ANKRD13D: variants seen among roughly 807,000 people sequenced by gnomAD.
ANKRD13D encodes ankyrin repeat domain-containing protein 13D.
ANKRD13D carries 24 observed loss-of-function variants against 68.8 expected under a neutral mutation model. The observed-to-expected ratio is 0.35, with a 90% CI of 0.25 to 0.49. The LOEUF (loss-of-function observed/expected upper bound fraction) is 0.49, where lower values mean the gene tolerates loss of function less well. Ranked by LOEUF, ANKRD13D falls within the 20% of genes least tolerant of loss-of-function variation. The pLI is 0.99. For synonymous variants in ANKRD13D, 331 were observed against 336.1 expected (o/e 0.98, Z 0.16); for missense variants, 735 against 832.1 (o/e 0.88, Z 1.44).
intron 14 of ANKRD13D, 32 bp from the exon 15 acceptor site, chr11:67,302,087 C>A: frequency 6.6e-7 from 1 of 1,510,832 alleles, no homozygotes; most frequent in Non-Finnish European, 8.9e-7. Context: ...CGCTCACTGG[C>A]CTGTTCTTCC....
At chr11:67,290,534 C>T (rs1370264260) in intron 3 of ANKRD13D, 88 bp downstream of exon 3, 2 of 1,475,960 alleles carry the variant, frequency 1.4e-6, no homozygotes, top group Admixed American at 2.2e-5. Flanking sequence ...GAAAGGCACC[C>T]AGTTTGTGCA....
chr11:67,299,378 C>A lies in ANKRD13D; in HGVS notation c.799-152C>A. On this transcript the variant is annotated intron_variant, in intron 7 of 14. Transcript: ENST00000511455. The surrounding 1 kb of genome is among the most constrained non-coding windows in gnomAD (Gnocchi z 6.2). ...TGGGGCTGCATCTCCTCGTTGGTGA[C>A]TTCCTGGGGTTCAGACCCTGCCACC... 1.3e-6 allele frequency: 1 copy of A among 743,312 alleles called. No homozygotes were observed. Among genetic ancestry groups the A allele is most frequent in the Non-Finnish European group, 2.2e-6 (1 of 450,070 alleles). The allele number at this position is 743,312 out of a possible 1,614,324, so 46.0% of individuals were successfully genotyped here. A position where few individuals can be genotyped will look rare whatever the true frequency, so the allele number is the denominator to read the frequency against.
At chr11:67,292,258 C>T (rs1484267256) in intron 6 of ANKRD13D, 78 bp downstream of exon 6, 2 of 1,441,426 alleles carry the variant, frequency 1.4e-6, no homozygotes, top group Non-Finnish European at 1.9e-6. Context: ...CAGGGCGATC[C>T]TTGAAGATCC....
chr11:67,291,528 G>A lies in ANKRD13D; in HGVS notation c.397+7G>A. On this transcript the variant is annotated splice_region_variant and intron_variant, in intron 4 of 14. Coordinates refer to ENST00000511455, the MANE Select transcript of ANKRD13D (RefSeq NM_207354.3). ...TGGGAGTTCACCAGCTGGGGTGAGT[G>A]GGGACCTCTGGGCTCCCAGGGATTT... 1 of 1,613,858 alleles carries A rather than the reference G, an allele frequency of 6.2e-7. No homozygotes were observed. The highest frequency in any genetic ancestry group is 1.1e-5 in the South Asian group (1 of 91,070).
Position 67,300,738 on chromosome 11 carries a change from T to G in ANKRD13D, c.1074-252T>G. On this transcript the variant is annotated intron_variant, in intron 10 of 14. Coordinates refer to ENST00000511455, the MANE Select transcript of ANKRD13D (RefSeq NM_207354.3). This position sits in a 1 kb window ranked among gnomAD's most constrained non-coding sequence, Gnocchi z 4.3. ...GAAGCCCACAGCCTGGCACCTGGCC[T>G]CCTTGTCCAGACCAGATGAGCTGGT... The G allele has an allele frequency of 1.8e-6, 1 of 563,354 alleles. No homozygotes were observed. Among genetic ancestry groups the G allele is most frequent in the Non-Finnish European group, 3.1e-6 (1 of 320,088 alleles). The allele number at this position is 563,354 out of a possible 1,614,324, so 34.9% of individuals were successfully genotyped here.
chr11:67,292,299 G>A (rs560900255), intron 6 of ANKRD13D, 119 bp downstream of exon 6: 8 of 1,197,466 alleles, frequency 6.7e-6, no homozygotes, highest in Non-Finnish European at 9.0e-6. Context: ...ACTCACAAGG[G>A]GCTGCTCAGG....
At position 67,302,416 on chromosome 11, in the gene ANKRD13D, T is replaced by A. The variant is rs1441121648; in HGVS notation, c.*84T>A. 1.0e-5 allele frequency: 15 copies of A among 1,431,654 alleles called. No individual in the cohort carries two copies. The highest frequency in any genetic ancestry group is 1.4e-5 in the Non-Finnish European group (15 of 1,087,308). The allele number at this position is 1,431,654 out of a possible 1,614,324, so 88.7% of individuals were successfully genotyped here. A position where few individuals can be genotyped will look rare whatever the true frequency, so the allele number is the denominator to read the frequency against. On this transcript the variant is annotated 3_prime_UTR_variant, in exon 15 of 15. Transcript: ENST00000511455. Reference sequence around the variant, plus strand: ...TTTATAAACTCTCTGCTGCTGAGCTTGGGGCCTGGAGCCCCAGGAATGAGC... The same window carrying A: ...TTTATAAACTCTCTGCTGCTGAGCTAGGGGCCTGGAGCCCCAGGAATGAGC...
rs1460255945 is a variant in ANKRD13D, at chr11:67,299,873, T to C, written c.927T>C (p.His309=). 1 of 1,542,760 alleles carries C rather than the reference T, an allele frequency of 6.5e-7. No homozygotes were observed. The highest frequency in any genetic ancestry group is 2.0e-5 in the Admixed American group (1 of 50,478). ...CCTTCCTGGGGATGGCGCAGCAGCA[T>C]TCCTCCCACACCGGGGTGAGCCGGG... is the stretch of plus-strand genomic sequence containing the variant. ...FQSFLGMAQQ[H]SSHTGAPVQQ... The change falls in exon 9 of 15, where the codon CAT becomes CAC. Residue 309 remains histidine, a synonymous_variant. Transcript: ENST00000511455. The surrounding 1 kb of genome is among the most constrained non-coding windows in gnomAD (Gnocchi z 6.2).
At position 67,299,979 on chromosome 11, in the gene ANKRD13D, T is replaced by C; in HGVS notation, c.943-14T>C. On this transcript the variant is annotated splice_polypyrimidine_tract_variant and intron_variant, in intron 9 of 14. Transcript: ENST00000511455. This position sits in a 1 kb window ranked among gnomAD's most constrained non-coding sequence, Gnocchi z 6.2. ...GTCACCTTGATGGCTGAGTCCGCCC[T>C]GGGACCCACGCAGGCCCCCGTGCAG... 2 of 1,609,494 alleles carry C rather than the reference T, an allele frequency of 1.2e-6. No individual in the cohort carries two copies. The highest frequency in any genetic ancestry group is 1.7e-6 in the Non-Finnish European group (2 of 1,177,272).
At chr11:67,289,635 C>A (rs1230680891) in intron 1 of ANKRD13D, 85 bp downstream of exon 1, 7 of 870,900 alleles carry the variant, frequency 8.0e-6, no homozygotes, top group Admixed American at 3.5e-5. Context: ...CCCCCCCCCC[C>A]CCGCCCGCTC....
chr11:67,290,330 G>A lies in ANKRD13D; in HGVS notation c.235G>A (p.Glu79Lys). The A allele has an allele frequency of 6.4e-7, 1 of 1,554,804 alleles. No homozygotes were observed. The highest frequency in any genetic ancestry group is 8.7e-7 in the Non-Finnish European group (1 of 1,149,078). The change falls in exon 3 of 15, where the codon GAG becomes AAG. Residue 79 changes from glutamate to lysine, a missense_variant. Physicochemically the swap from Glu to Lys is moderately conservative, Grantham distance 56. Coordinates refer to ENST00000511455, the MANE Select transcript of ANKRD13D (RefSeq NM_207354.3). Reference protein sequence around the residue: ...ENRQGWAVLQEAVSTGDPEMV... With the variant: ...ENRQGWAVLQKAVSTGDPEMV... ...CAGCCTGGTGCCCGCAGTCCTGCAG[G>A]AGGCAGTCAGCACTGGAGACCCCGA... is the stretch of plus-strand genomic sequence containing the variant.
rs1465482312 is a variant in ANKRD13D at position 67,299,999 on chromosome 11, G to A, written c.949G>A (p.Val317Met). 8.1e-6 allele frequency: 13 copies of A among 1,612,596 alleles called. No homozygotes were observed. Among genetic ancestry groups the A allele is most frequent in the African/African-American group, 1.3e-5 (1 of 74,882 alleles). Reference protein sequence around the residue: ...QQHSSHTGAPVQQAASPTNPT... With the variant: ...QQHSSHTGAPMQQAASPTNPT... ...CGCCCTGGGACCCACGCAGGCCCCC[G>A]TGCAGCAGGCAGCCAGCCCCACCAA... The change falls in exon 10 of 15, where the codon GTG becomes ATG. Residue 317 changes from valine to methionine, a missense_variant. Transcript: ENST00000511455. This position sits in a 1 kb window ranked among gnomAD's most constrained non-coding sequence, Gnocchi z 6.2.
At position 67,290,218 on chromosome 11, in the gene ANKRD13D, T is replaced by A; in HGVS notation, c.226+5T>A. On this transcript the variant is annotated splice_donor_5th_base_variant and intron_variant, in intron 2 of 14. Coordinates refer to ENST00000511455, the MANE Select transcript of ANKRD13D (RefSeq NM_207354.3). Reference sequence around the variant, plus strand: ...AGAACCGCCAGGGCTGGGCAGGTACTGCAGAGGACAAGGGGCTCCCCCTGA... The same window carrying A: ...AGAACCGCCAGGGCTGGGCAGGTACAGCAGAGGACAAGGGGCTCCCCCTGA... The A allele has an allele frequency of 2.6e-6, 4 of 1,541,032 alleles. No homozygotes were observed. Among genetic ancestry groups the A allele is most frequent in the Non-Finnish European group, 3.5e-6 (4 of 1,146,872 alleles).
chr11:67,300,243 C>G lies in ANKRD13D; in HGVS notation c.1073+120C>G. The G allele has an allele frequency of 7.1e-7, 1 of 1,414,876 alleles. No homozygotes were observed. Among genetic ancestry groups the G allele is most frequent in the African/African-American group, 1.4e-5 (1 of 70,378 alleles). 87.6% of individuals were successfully genotyped at this position (1,414,876 alleles called of 1,614,324 possible). A position where few individuals can be genotyped will look rare whatever the true frequency, so the allele number is the denominator to read the frequency against. ...GCTGGCTTCTCTCTGGACTCCACTC[C>G]TGGAGGGCAGGAGTCATGTCTGCCT... On this transcript the variant is annotated intron_variant, in intron 10 of 14. Coordinates refer to ENST00000511455, the MANE Select transcript of ANKRD13D (RefSeq NM_207354.3). This position sits in a 1 kb window ranked among gnomAD's most constrained non-coding sequence, Gnocchi z 4.3.
chr11:67,294,567 G>A (rs1282180278), intron 6 of ANKRD13D, among the ~76,000 whole-genome samples: 2 of 149,914 alleles, frequency 1.3e-5, no homozygotes, highest in Non-Finnish European at 3.0e-5. Context: ...TTGAGATGGA[G>A]TCTCACTCTA....
At position 67,290,465 on chromosome 11, in the gene ANKRD13D, A is replaced by C. The variant is rs1368974374; in HGVS notation, c.351+19A>C. 1.3e-6 allele frequency: 2 copies of C among 1,558,214 alleles called. No homozygotes were observed. Among genetic ancestry groups the C allele is most frequent in the Admixed American group, 3.8e-5 (2 of 52,032 alleles). On this transcript the variant is annotated intron_variant, in intron 3 of 14. Transcript: ENST00000511455. ...TCGCCAGGTACAGCAGGGCACAGTT[A>C]TGGAGGTGGGGTACCATGGCAGGGC...
At chr11:67,293,238 AC>A (rs1409892983) in intron 6 of ANKRD13D, among the ~76,000 whole-genome samples, 2 of 152,184 alleles carry the variant, frequency 1.3e-5, no homozygotes. Context: ...TGTTTACCAA[AC>A]GAGCTGTACT....
chr11:67,302,166 G>A lies in ANKRD13D; in HGVS notation c.1652G>A (p.Gly551Glu), dbSNP rs774658529. 3 of 1,597,242 alleles carry A rather than the reference G, an allele frequency of 1.9e-6. No homozygotes were observed. In the African/African-American group the frequency reaches 4.0e-5, roughly 21 times the overall value. Residue 551 changes from glycine to glutamate, a missense_variant, in exon 15 of 15, where the codon GGA becomes GAA. By Grantham distance (98) the Gly-to-Glu change is moderately conservative (BLOSUM62 -2). Transcript: ENST00000511455. ...CTGTCCACAGAGCCCAGGGGCCCAG[G>A]ATCCCCTCCCAGGACACCCCCAGCC... ...LQLSTEPRGPGSPPRTPPAPG... is the reference protein window; with the variant it reads ...LQLSTEPRGPESPPRTPPAPG...
At chr11:67,298,936 C>T (rs553957683) in intron 6 of ANKRD13D, 122 bp from the exon 7 acceptor site, 7 of 981,476 alleles carry the variant, frequency 7.1e-6, no homozygotes, top group Admixed American at 1.7e-5. Flanking sequence ...TGTTTCATAG[C>T]GAGAAGGGGC....
Sources: allele counts gnomAD v4.1 joint callset (sites outside exome capture counted in the v4.1 genomes callset), GRCh38; gene constraint gnomAD v4.1.1; non-coding constraint Gnocchi (gnomAD v3.1); transcripts MANE v1.5; gene names NCBI Gene and HGNC (gene_info 2026-07-23, HGNC 2026-07-21).